The following ZEB2 variants were observed in gnomAD, a reference collection of about 807,000 sequenced individuals.
The protein encoded by ZEB2 is zinc finger E-box-binding homeobox 2.
ZEB2 carries 6 observed loss-of-function variants against 99.9 expected under a neutral mutation model. The ratio of observed to expected loss-of-function variants is 0.06; its 90% CI spans 0.03 to 0.12. The LOEUF (loss-of-function observed/expected upper bound fraction) is 0.12, where lower values mean the gene tolerates loss of function less well. ZEB2 is among the 10% of genes least tolerant of loss of function. The pLI, the probability that ZEB2 is intolerant of heterozygous loss-of-function variation, is 1.00. For synonymous variants in ZEB2, 517 were observed against 542.5 expected, an observed-to-expected ratio of 0.95 and a Z score of 0.65; for missense variants, 969 against 1,502.8, an observed-to-expected ratio of 0.64 and a Z score of 5.87.
At chr2:144,495,076 G>C (rs1704740568) in intron 2 of ZEB2, 1 of 152,100 alleles carries the variant, frequency 6.6e-6, no homozygotes, top group Non-Finnish European at 1.5e-5. Context: ...ACACAGTTTT[G>C]CTATGTTCGG....
At position 144,388,867 on chromosome 2, in the gene ZEB2, G is replaced by A. The variant is rs1408954846; in HGVS notation, c.*584C>T. On this transcript the variant is annotated 3_prime_UTR_variant, in exon 10 of 10. Coordinates refer to ENST00000627532, the MANE Select transcript of ZEB2 (RefSeq NM_014795.4). This position sits in a 1 kb window ranked among gnomAD's most constrained non-coding sequence, Gnocchi z 5.4. ...ACTTCGGTATCTTAAATTCACACATGCATCACTTCAAGTTCCTTCACAGAA... is the reference window on the plus strand; with the variant it reads ...ACTTCGGTATCTTAAATTCACACATACATCACTTCAAGTTCCTTCACAGAA... 2.2e-6 allele frequency: 1 copy of A among 457,470 alleles called. No homozygotes were observed. The allele number at this position is 457,470 out of a possible 1,614,324, so 28.3% of individuals were successfully genotyped here. A position where few individuals can be genotyped will look rare whatever the true frequency, so the allele number is the denominator to read the frequency against.
intron 4 of ZEB2, among the ~76,000 whole-genome samples, chr2:144,409,913 G>GTT (rs530632750): frequency 2.1e-4 from 28 of 133,400 alleles, no homozygotes; most frequent in Middle Eastern, 3.8e-3. Flanking sequence ...AAAAGTTGTT[G>GTT]TTTTTTTTTT....
In ZEB2 at chr2:144,389,639, T is replaced by C; in HGVS notation, c.3457A>G (p.Arg1153Gly). 1.2e-6 allele frequency: 2 copies of C among 1,614,154 alleles called. No individual in the cohort carries two copies. Among genetic ancestry groups the C allele is most frequent in the Non-Finnish European group, 1.7e-6 (2 of 1,180,036 alleles). ...TCGAACTCCTCGTCGCCATCCTGTCTGCCCAGCTTCCCGTAGCCATCCTCG... is the reference window on the plus strand; with the variant it reads ...TCGAACTCCTCGTCGCCATCCTGTCCGCCCAGCTTCCCGTAGCCATCCTCG... Reference protein sequence around the residue: ...EGEDGYGKLGRQDGDEEFEEE... With the variant: ...EGEDGYGKLGGQDGDEEFEEE... Residue 1153 changes from arginine (R) to glycine (G), a missense_variant, in exon 10 of 10, where the codon AGA becomes GGA. Arg to Gly is a moderately radical substitution (Grantham distance 125). Coordinates refer to ENST00000627532, the MANE Select transcript of ZEB2 (RefSeq NM_014795.4). The surrounding 1 kb of genome is among the most constrained non-coding windows in gnomAD (Gnocchi z 6.8).
chr2:144,516,648 C>T (rs1417006512), intron 2 of ZEB2: 2 of 150,136 alleles, frequency 1.3e-5, no homozygotes, highest in Non-Finnish European at 3.0e-5. Flanking sequence ...CCCGAGCCAT[C>T]ATCGACCCCA....
intron 5 of ZEB2, 47 bp downstream of exon 5, chr2:144,404,789 C>G (rs763522018): frequency 1.3e-6 from 2 of 1,599,514 alleles, no homozygotes; most frequent in South Asian, 2.2e-5. Flanking sequence ...GTAATTGTAA[C>G]AGCTGCAGAG....
intron 2 of ZEB2, among the ~76,000 whole-genome samples, chr2:144,435,811 G>A (rs927644167): frequency 1.3e-5 from 2 of 151,920 alleles, no homozygotes; most frequent in Non-Finnish European, 2.9e-5. Context: ...ATTCCTCCTT[G>A]TCTTCCCCAC....
At chr2:144,484,911 A>G (rs1704572436) in intron 2 of ZEB2, among the ~76,000 whole-genome samples, 1 of 152,074 alleles carries the variant, frequency 6.6e-6, no homozygotes, top group Non-Finnish European at 1.5e-5. Context: ...AGTTCAGAAC[A>G]TGCAGCTCCA....
intron 2 of ZEB2, among the ~76,000 whole-genome samples, chr2:144,455,978 CTTT>C (rs1160314698): frequency 2.6e-5 from 4 of 152,084 alleles, no homozygotes; most frequent in African/African-American, 9.7e-5. Flanking sequence ...AAATACTCTT[CTTT>C]AACTCTGACT....
chr2:144,477,280 A>G (rs1704443193), intron 2 of ZEB2, among the ~76,000 whole-genome samples: 1 of 152,262 alleles, frequency 6.6e-6, no homozygotes, highest in African/African-American at 2.4e-5. Flanking sequence ...ATGAGTGTCA[A>G]CTAATTTTCT....
chr2:144,403,237 T>C (rs1009089219), intron 6 of ZEB2, among the ~76,000 whole-genome samples: 1 of 151,228 alleles, frequency 6.6e-6, no homozygotes, highest in African/African-American at 2.4e-5. Flanking sequence ...ACTTAACTGT[T>C]GAAGACAGAG....
intron 2 of ZEB2, among the ~76,000 whole-genome samples, chr2:144,506,784 GA>G (rs1354643432): frequency 6.6e-6 from 1 of 152,104 alleles, no homozygotes; most frequent in Non-Finnish European, 1.5e-5. Context: ...TATTTGGGAG[GA>G]GGGGGTGGCT....
At chr2:144,502,130 A>C (rs1411413720) in intron 2 of ZEB2, among the ~76,000 whole-genome samples, 1 of 152,160 alleles carries the variant, frequency 6.6e-6, no homozygotes. Flanking sequence ...TCCATTTCAG[A>C]TTCTTAGTGC....
chr2:144,497,885 A>G (rs1171711193), intron 2 of ZEB2: 11 of 3,260 alleles, frequency 3.4e-3, no homozygotes, highest in African/African-American at 9.7e-3. Flanking sequence ...TTCTCAACAT[A>G]TATATATATG....
chr2:144,491,657 G>A (rs1344475424), intron 2 of ZEB2, among the ~76,000 whole-genome samples: 1 of 152,182 alleles, frequency 6.6e-6, no homozygotes, highest in African/African-American at 2.4e-5. Context: ...CTTGGGAAGA[G>A]AAGTGCAAGT....
chr2:144,508,134 A>T (rs1704975849), intron 2 of ZEB2, among the ~76,000 whole-genome samples: 1 of 152,180 alleles, frequency 6.6e-6, no homozygotes, highest in African/African-American at 2.4e-5. Flanking sequence ...TTGGCAGAGG[A>T]CCTTCTTGCC....
At chr2:144,495,932 A>C (rs937283389) in intron 2 of ZEB2, 2 of 152,250 alleles carry the variant, frequency 1.3e-5, no homozygotes, top group Non-Finnish European at 2.9e-5. Flanking sequence ...GGTTTTAAAG[A>C]TAAATGGCTG....
intron 2 of ZEB2, among the ~76,000 whole-genome samples, chr2:144,430,297 T>C (rs1703752890): frequency 6.6e-6 from 1 of 152,214 alleles, no homozygotes; most frequent in South Asian, 2.1e-4. Flanking sequence ...AAACTATGCC[T>C]ATACTGCATA....
At chr2:144,463,039 T>C (rs1350431097) in intron 2 of ZEB2, 1 of 152,190 alleles carries the variant, frequency 6.6e-6, no homozygotes, top group Non-Finnish European at 1.5e-5. Flanking sequence ...TGCTCTCTGC[T>C]TATGGGTTCT....
At chr2:144,414,870 G>A (rs1048980444) in intron 4 of ZEB2, among the ~76,000 whole-genome samples, 3 of 152,060 alleles carry the variant, frequency 2.0e-5, no homozygotes, top group Admixed American at 2.0e-4. Context: ...GACATTATAA[G>A]CAATTCTAAA....
Sources: gnomAD v4.1 joint callset for allele counts (sites outside exome capture counted in the v4.1 genomes callset) on GRCh38, gnomAD v4.1.1 for gene constraint, Gnocchi (gnomAD v3.1) non-coding constraint, MANE v1.5 for transcripts, NCBI Gene and HGNC (gene_info 2026-07-23, HGNC 2026-07-21) for gene names.